Variants in ZNHIT3 observed in about 807,000 individuals in gnomAD.
The protein encoded by ZNHIT3 is zinc finger HIT-type containing 3, also known as zinc finger HIT domain-containing protein 3.
ZNHIT3 carries 27 observed loss-of-function variants against 19.9 expected under a neutral mutation model. That is an observed-to-expected ratio of 1.36 (90% CI 1.00 to 1.87). The LOEUF (loss-of-function observed/expected upper bound fraction) is 1.87, where lower values mean the gene tolerates loss of function less well. ZNHIT3 is among the 40% of genes most tolerant of loss of function. The pLI is 0.00. For missense variants in ZNHIT3, 215 were observed against 185.6 expected (o/e 1.16, Z -0.92); for synonymous variants, 81 against 65.7 (o/e 1.23, Z -1.13).
At chr17:36,497,034 G>A (rs1450738056), downstream of ZNHIT3, among the ~76,000 whole-genome samples, 1 of 152,040 alleles carries the variant, frequency 6.6e-6, no homozygotes, top group African/African-American at 2.4e-5. Context: ...TTCCCTGGAT[G>A]CTTATATAAA....
At chr17:36,498,247 G>A (rs750368335), downstream of ZNHIT3, 1 of 1,598,694 alleles carries the variant, frequency 6.3e-7, no homozygotes, top group Non-Finnish European at 8.5e-7. Context: ...AGCTGTCATG[G>A]CCATCACACA....
chr17:36,498,425 C>G, downstream of ZNHIT3: 3 of 1,614,042 alleles, frequency 1.9e-6, no homozygotes, highest in Non-Finnish European at 2.5e-6. Context: ...GGACCAGTCC[C>G]AGGGGCCAGA....
At chr17:36,489,000 A>T (rs925463220) in intron 2 of ZNHIT3, among the ~76,000 whole-genome samples, 1 of 152,150 alleles carries the variant, frequency 6.6e-6, no homozygotes, top group African/African-American at 2.4e-5. Context: ...TCCAGTTACC[A>T]CTATTCTGCT....
chr17:36,496,034 A>G, downstream of ZNHIT3: 2 of 783,504 alleles, frequency 2.6e-6, no homozygotes, highest in Non-Finnish European at 3.8e-6. Flanking sequence ...TGATTTGGTA[A>G]CTACCAGCCC....
Position 36,493,999 on chromosome 17 carries a change from G to T in ZNHIT3, c.279G>T (p.Lys93Asn), listed in dbSNP as rs370588803. The stretch of plus-strand genomic sequence containing the variant: ...ACAGAGTTTCTTTGCAGAATTTAAA[G>T]AATTTAGGTAAGTCTGTGCTATGCT... ...EEDRVSLQNL[K>N]NLGESATLRS... The change falls in exon 4 of 5, where the codon AAG (lysine) becomes AAT (asparagine). Residue 93 changes from lysine (K) to asparagine (N), a missense_variant. By Grantham distance (94) the Lys-to-Asn change is moderately conservative. Coordinates refer to ENST00000617429, the MANE Select transcript of ZNHIT3 (RefSeq NM_004773.4). 1.1e-5 allele frequency: 18 copies of T among 1,610,402 alleles called. 1 individual carries two copies. The African/African-American group carries it at 1.5e-4, about 13-fold the overall frequency.
intron 4 of ZNHIT3, among the ~76,000 whole-genome samples, chr17:36,494,516 C>G (rs1410549387): frequency 6.6e-6 from 1 of 152,182 alleles, no homozygotes; most frequent in Admixed American, 6.5e-5. Context: ...ATTTTTGTAG[C>G]ACTGCTTATT....
downstream of ZNHIT3, among the ~76,000 whole-genome samples, chr17:36,497,021 CTT>C (rs1051907024): frequency 6.6e-6 from 1 of 152,080 alleles, no homozygotes; most frequent in African/African-American, 2.4e-5. Context: ...TGCTGGCTGA[CTT>C]TTCCCTGGAT....
At chr17:36,498,557 G>A (rs1227027302), downstream of ZNHIT3, 1 of 1,606,438 alleles carries the variant, frequency 6.2e-7, no homozygotes, top group South Asian at 1.1e-5. Context: ...AGGCCATTCT[G>A]ATCTTAAAAA....
Position 36,495,553 on chromosome 17 carries a change from T to C in ZNHIT3, c.*149T>C. The C allele has an allele frequency of 2.3e-6, 3 of 1,326,424 alleles. No homozygotes were observed. Among genetic ancestry groups the C allele is most frequent in the Non-Finnish European group, 2.9e-6 (3 of 1,041,684 alleles). The allele number at this position is 1,326,424 out of a possible 1,614,324, so 82.2% of individuals were successfully genotyped here. ...TAGGTCATGCAGGCCTTTACCGGCA[T>C]TGATGTGGCTCATGTTTCAGGCAGA... On this transcript the variant is annotated 3_prime_UTR_variant, in exon 5 of 5. Transcript: ENST00000617429.
Position 36,488,876 on chromosome 17 carries a change from C to G in ZNHIT3, c.118+1910C>G, listed in dbSNP as rs189280415. 1.3e-3 allele frequency among the ~76,000 whole-genome samples: 201 copies of G among 152,330 alleles called. 2 individuals carry two copies. The highest frequency in any genetic ancestry group is 4.4e-3 in the African/African-American group (185 of 41,582). On this transcript the variant is annotated intron_variant, in intron 2 of 4. Transcript: ENST00000617429. ...ATTTGAAAGTATAAATTGCTGCCAA[C>G]ATGGTCACACTAAGGTACTGTGTAA...
chr17:36,498,326 G>T (rs2071194838), downstream of ZNHIT3: 4 of 1,613,882 alleles, frequency 2.5e-6, no homozygotes, highest in Middle Eastern at 1.6e-4. Context: ...GGACAGTGTA[G>T]CTACTGGGGC....
rs1442610401 is a variant in ZNHIT3 at position 36,493,118 on chromosome 17, A to G, written c.205+219A>G. The G allele has an allele frequency of 1.0e-5, 6 of 590,306 alleles. No individual in the cohort carries two copies. In the East Asian group the frequency reaches 1.4e-4, roughly 14 times the overall value. The allele number at this position is 590,306 out of a possible 1,614,324, so 36.6% of individuals were successfully genotyped here. A position where few individuals can be genotyped will look rare whatever the true frequency, so the allele number is the denominator to read the frequency against. On this transcript the variant is annotated intron_variant, in intron 3 of 4. Coordinates refer to ENST00000617429, the MANE Select transcript of ZNHIT3 (RefSeq NM_004773.4). ...ATTCAGGAGAAGAAAAATGGGCAGA[A>G]GACAGAGATGAGAAAGGCCATGGCT...
At position 36,495,799 on chromosome 17, in the gene ZNHIT3, T is replaced by A; in HGVS notation, c.*395T>A. 8.1e-7 allele frequency: 1 copy of A among 1,240,850 alleles called. No homozygotes were observed. Among genetic ancestry groups the A allele is most frequent in the South Asian group, 4.0e-5 (1 of 24,782 alleles). 76.9% of individuals were successfully genotyped at this position (1,240,850 alleles called of 1,614,324 possible). On this transcript the variant is annotated 3_prime_UTR_variant, in exon 5 of 5. Transcript: ENST00000617429. ...TTTAATTGTTTGAAATTACATTAAA[T>A]AAATCAACTAATTAAATACTAAAGT...
rs902609187 is a variant in ZNHIT3 at position 36,495,807 on chromosome 17, C to T, written c.*403C>T. On this transcript the variant is annotated 3_prime_UTR_variant, in exon 5 of 5. Coordinates refer to ENST00000617429, the MANE Select transcript of ZNHIT3 (RefSeq NM_004773.4). ...TTTGAAATTACATTAAATAAATCAACTAATTAAATACTAAAGTTTTGTTCC... is the reference window on the plus strand; with the variant it reads ...TTTGAAATTACATTAAATAAATCAATTAATTAAATACTAAAGTTTTGTTCC... The T allele has an allele frequency of 8.1e-7, 1 of 1,239,684 alleles. No homozygotes were observed. The highest frequency in any genetic ancestry group is 3.9e-5 in the Admixed American group (1 of 25,552). 76.8% of individuals were successfully genotyped at this position (1,239,684 alleles called of 1,614,324 possible).
Position 36,492,811 on chromosome 17 carries a change from A to C in ZNHIT3, c.119-2A>C. 4 of 1,613,326 alleles carry C rather than the reference A, an allele frequency of 2.5e-6. No individual in the cohort carries two copies. Among genetic ancestry groups the C allele is most frequent in the Non-Finnish European group, 2.5e-6 (3 of 1,179,706 alleles). On this transcript the variant is annotated splice_acceptor_variant, in intron 2 of 4. Transcript: ENST00000617429. LOFTEE classifies it high-confidence loss of function. ...TGGGCCTGGGATTTGTGTCTTTTTC[A>C]GAACAGTGCAACCCTGAAACTCGTC...
downstream of ZNHIT3, chr17:36,496,411 A>AGG (rs757184883): frequency 8.1e-6 from 13 of 1,613,826 alleles, no homozygotes; most frequent in Non-Finnish European, 1.0e-5. Context: ...CGATCCCTAG[A>AGG]GGGGAGAGAG....
chr17:36,494,040 T>C (rs368210147), intron 4 of ZNHIT3, 34 bp downstream of exon 4: 12 of 1,496,732 alleles, frequency 8.0e-6, no homozygotes, highest in Non-Finnish European at 1.1e-5. Flanking sequence ...ATCGTTGAGA[T>C]ACATTTACTG....
chr17:36,487,724 G>C (rs1393981355), intron 2 of ZNHIT3, among the ~76,000 whole-genome samples: 5 of 151,946 alleles, frequency 3.3e-5, no homozygotes, highest in Admixed American at 2.0e-4. Context: ...CCGGGAGGCG[G>C]AGGTTGTAGT....
At chr17:36,488,071 C>CT (rs889874266) in intron 2 of ZNHIT3, among the ~76,000 whole-genome samples, 3 of 143,124 alleles carry the variant, frequency 2.1e-5, no homozygotes, top group African/African-American at 7.9e-5. Flanking sequence ...GCACTCCAGC[C>CT]TGGGAGACAG....
Sources: gnomAD v4.1 joint callset for allele counts (sites outside exome capture counted in the v4.1 genomes callset) on GRCh38, gnomAD v4.1.1 for gene constraint, MANE v1.5 for transcripts, NCBI Gene and HGNC (gene_info 2026-07-23, HGNC 2026-07-21) for gene names.